The following EFCAB6 variants were observed in gnomAD, a reference collection of about 807,000 sequenced individuals.
The protein encoded by EFCAB6 is EF-hand calcium-binding domain-containing protein 6.
In EFCAB6, 156 loss-of-function variants were observed where a neutral mutation model predicts 169.8. The observed-to-expected ratio is 0.92, with a 90% confidence interval of 0.81 to 1.05. The LOEUF (loss-of-function observed/expected upper bound fraction) is 1.05, where lower values mean the gene tolerates loss of function less well. Among genes scored for constraint, EFCAB6 ranks in the 50% least tolerant of loss-of-function variants. The pLI is 0.00. For synonymous variants in EFCAB6, 698 were observed against 676.4 expected (o/e 1.03, Z -0.50); for missense variants, 1,800 against 1,829.1 (o/e 0.98, Z 0.29).
At chr22:43,538,938 C>G (rs2047539820) in intron 28 of EFCAB6, among the ~76,000 whole-genome samples, 1 of 152,192 alleles carries the variant, frequency 6.6e-6, no homozygotes, top group Non-Finnish European at 1.5e-5. Context: ...CCCAGTGGCT[C>G]AAGGGGAGAA....
chr22:43,556,128 G>C (rs973132798), intron 26 of EFCAB6, among the ~76,000 whole-genome samples: 4 of 152,156 alleles, frequency 2.6e-5, no homozygotes, highest in Admixed American at 2.6e-4. Context: ...TGGGCTCCAC[G>C]TTGAAGTCAG....
chr22:43,641,617 A>G (rs2055807907), intron 17 of EFCAB6, among the ~76,000 whole-genome samples: 1 of 38,250 alleles, frequency 2.6e-5, no homozygotes, highest in South Asian at 8.5e-4. Context: ...ACTCCATCTC[A>G]AAAAAAAAAA....
intron 10 of EFCAB6, among the ~76,000 whole-genome samples, chr22:43,695,226 G>C (rs193227926): frequency 1.3e-5 from 2 of 151,898 alleles, no homozygotes; most frequent in Non-Finnish European, 2.9e-5. Context: ...GTTGGAAAAT[G>C]AAATTTTAAA....
intron 5 of EFCAB6, among the ~76,000 whole-genome samples, chr22:43,756,579 G>T (rs1057331610): frequency 4.6e-5 from 7 of 152,104 alleles, no homozygotes; most frequent in Non-Finnish European, 8.8e-5. Context: ...ACTTTACAAT[G>T]TCTGTCCATG....
At position 43,711,462 on chromosome 22, in the gene EFCAB6, A is replaced by G. The variant is rs888411659; in HGVS notation, c.1031+13T>C. ...TGGGGAAAAAAATGTCAAGGAAACA[A>G]TGAGACTCTTACCTTTTCATTAACT... is the stretch of plus-strand genomic sequence containing the variant. On this transcript the variant is annotated intron_variant, in intron 10 of 31. Transcript: ENST00000262726. The G allele has an allele frequency of 1.2e-5, 18 of 1,555,128 alleles. No homozygotes were observed. In the African/African-American group the frequency reaches 2.5e-4, roughly 22 times the overall value.
chr22:43,559,727 C>T (rs2048915599), intron 26 of EFCAB6, among the ~76,000 whole-genome samples: 1 of 152,082 alleles, frequency 6.6e-6, no homozygotes, highest in African/African-American at 2.4e-5. Context: ...ATGGATAAAG[C>T]TGGAAGCTAT....
chr22:43,794,901 C>T (rs2062444986), intron 2 of EFCAB6, among the ~76,000 whole-genome samples: 1 of 152,130 alleles, frequency 6.6e-6, no homozygotes, highest in Non-Finnish European at 1.5e-5. Context: ...TCACAAAAAA[C>T]AATTTAGCCA....
At chr22:43,564,596 C>T (rs571191676) in intron 26 of EFCAB6, among the ~76,000 whole-genome samples, 7 of 152,242 alleles carry the variant, frequency 4.6e-5, no homozygotes, top group East Asian at 3.9e-4. Flanking sequence ...AAGCCAGGGG[C>T]GGGAGCAAGC....
chr22:43,681,899 A>T (rs1319101407), intron 12 of EFCAB6, among the ~76,000 whole-genome samples: 1 of 152,230 alleles, frequency 6.6e-6, no homozygotes, highest in Non-Finnish European at 1.5e-5. Flanking sequence ...AAGTGATCAC[A>T]GCAGTTGGGT....
chr22:43,592,698 CTG>C (rs1452816729), intron 23 of EFCAB6, among the ~76,000 whole-genome samples: 2 of 152,144 alleles, frequency 1.3e-5, no homozygotes, highest in African/African-American at 2.4e-5. Flanking sequence ...GAAGGGGGCA[CTG>C]TTATGGCCAA....
At position 43,609,843 on chromosome 22, in the gene EFCAB6, G is replaced by A. The variant is rs539771535; in HGVS notation, c.2563-1243C>T. Among the ~76,000 whole-genome samples the A allele has an allele frequency of 3.3e-5, 5 of 152,322 alleles. No individual in the cohort carries two copies. The East Asian group carries it at 7.7e-4, about 24-fold the overall frequency. ...ACGACAACAAAGATGTGATGTAGGT[G>A]CCAGCACAGGCAAGCTGATCAGGGG... On this transcript the variant is annotated intron_variant, in intron 21 of 31. Transcript: ENST00000262726.
At chr22:43,771,434 TAAAAAATAAATTAATTAATTAATTTA>T (rs1292018250) in intron 4 of EFCAB6, among the ~76,000 whole-genome samples, 2 of 151,690 alleles carry the variant, frequency 1.3e-5, no homozygotes, top group Non-Finnish European at 2.9e-5. Context: ...CATCAAAAAA[TAAAAAATAAATTAATTAATTAATTTA>T]AAAAAACTAA....
At chr22:43,809,698 C>G (rs1010777957) in intron 1 of EFCAB6, among the ~76,000 whole-genome samples, 8 of 152,166 alleles carry the variant, frequency 5.3e-5, no homozygotes, top group Admixed American at 4.6e-4. Context: ...ACCTCCACCT[C>G]CCAGGTTCAA....
chr22:43,705,517 C>G (rs952809183), intron 10 of EFCAB6, among the ~76,000 whole-genome samples: 6 of 152,034 alleles, frequency 3.9e-5, no homozygotes, highest in African/African-American at 1.4e-4. Flanking sequence ...TGAAATCATA[C>G]CACGTACCTT....
Position 43,678,061 on chromosome 22 carries a change from C to A in EFCAB6, c.1354G>T (p.Asp452Tyr). ...SEFKELMQMLDPGDTGVVNTS... is the reference protein window; with the variant it reads ...SEFKELMQMLYPGDTGVVNTS... ...TTGACCACTCCAGTGTCCCCAGGGTCAAGCATTTGCATTAGTTCTTTGAAT... is the reference window on the plus strand; with the variant it reads ...TTGACCACTCCAGTGTCCCCAGGGTAAAGCATTTGCATTAGTTCTTTGAAT... The change falls in exon 13 of 32, where the codon GAC becomes TAC. Residue 452 changes from aspartate (D) to tyrosine (Y), a missense_variant. Transcript: ENST00000262726. 1 of 1,613,992 alleles carries A rather than the reference C, an allele frequency of 6.2e-7. No homozygotes were observed. The highest frequency in any genetic ancestry group is 1.3e-5 in the African/African-American group (1 of 74,978).
intron 27 of EFCAB6, among the ~76,000 whole-genome samples, chr22:43,543,430 T>G (rs2147093844): frequency 6.6e-6 from 1 of 152,176 alleles, no homozygotes; most frequent in African/African-American, 2.4e-5. Context: ...GGGCCACTTC[T>G]CCAGACCCCC....
intron 17 of EFCAB6, among the ~76,000 whole-genome samples, chr22:43,656,627 G>A (rs149242082): frequency 5.9e-5 from 9 of 152,286 alleles, no homozygotes; most frequent in African/African-American, 2.2e-4. Flanking sequence ...GGCCTACACT[G>A]TGCGGTATAA....
At chr22:43,740,470 C>T (rs1453567787) in intron 6 of EFCAB6, among the ~76,000 whole-genome samples, 3 of 152,182 alleles carry the variant, frequency 2.0e-5, no homozygotes, top group Admixed American at 1.3e-4. Context: ...TCGACTGGCC[C>T]CTGCATTCAG....
At chr22:43,578,528 C>T (rs150483390) in intron 25 of EFCAB6, among the ~76,000 whole-genome samples, 44 of 152,192 alleles carry the variant, frequency 2.9e-4, no homozygotes, top group Admixed American at 2.2e-3. Flanking sequence ...CGCTGACACA[C>T]AGAAGCTCAC....
Sources: allele counts gnomAD v4.1 joint callset (sites outside exome capture counted in the v4.1 genomes callset), GRCh38; gene constraint gnomAD v4.1.1; transcripts MANE v1.5; gene names NCBI Gene and HGNC (gene_info 2026-07-23, HGNC 2026-07-21).